The following CUX2 variants were observed in gnomAD, a reference collection of about 807,000 sequenced individuals.
The protein encoded by CUX2 is homeobox protein cut-like 2.
CUX2 carries 40 observed loss-of-function variants against 144.8 expected under a neutral mutation model. That is an observed-to-expected ratio of 0.28 (90% confidence interval 0.21 to 0.36). The LOEUF (loss-of-function observed/expected upper bound fraction) is 0.36, where lower values mean the gene tolerates loss of function less well. CUX2 is among the 10% of genes least tolerant of loss of function. CUX2 has a pLI of 1.00. For missense variants in CUX2, 1,615 were observed against 1,994.0 expected, an observed-to-expected ratio of 0.81 and a Z score of 3.62; for synonymous variants, 827 against 875.6, an observed-to-expected ratio of 0.94 and a Z score of 0.98.
intron 9 of CUX2, among the ~76,000 whole-genome samples, chr12:111,299,849 T>C (rs1232438441): frequency 6.6e-6 from 1 of 152,072 alleles, no homozygotes; most frequent in Non-Finnish European, 1.5e-5. Flanking sequence ...CCAGAGATGG[T>C]CAATCCATTC....
intron 1 of CUX2, among the ~76,000 whole-genome samples, chr12:111,179,875 G>A (rs1348701036): frequency 6.6e-6 from 1 of 152,158 alleles, no homozygotes; most frequent in Non-Finnish European, 1.5e-5. Context: ...GTAGAGACAG[G>A]GTTTCGCCCT....
rs892777716 is a variant in CUX2 at position 111,287,710 on chromosome 12, G to A, written c.302-3708G>A. On this transcript the variant is annotated intron_variant, in intron 4 of 21. Coordinates refer to ENST00000261726, the MANE Select transcript of CUX2 (RefSeq NM_015267.4). The surrounding 1 kb of genome is among the most constrained non-coding windows in gnomAD (Gnocchi z 4.2). ...GGGCTGCCGGCAGATGAAAGCCACC[G>A]CCGCCTTCCCGCGCACCTGCTTACC... is the stretch of plus-strand genomic sequence containing the variant. 8.5e-5 allele frequency among the ~76,000 whole-genome samples: 13 copies of A among 152,228 alleles called. No homozygotes were observed. Among genetic ancestry groups the A allele is most frequent in the Non-Finnish European group, 1.5e-4 (10 of 68,044 alleles).
At chr12:111,075,896 AATGATG>A (rs760222137) in intron 1 of CUX2, among the ~76,000 whole-genome samples, 7 of 152,152 alleles carry the variant, frequency 4.6e-5, no homozygotes, top group Non-Finnish European at 8.8e-5. Context: ...TCTGAATAAT[AATGATG>A]ATGATAATAA....
intron 3 of CUX2, among the ~76,000 whole-genome samples, chr12:111,257,719 C>T (rs1021528071): frequency 3.6e-5 from 5 of 139,670 alleles, no homozygotes; most frequent in African/African-American, 1.3e-4. Context: ...CTCCATCTTC[C>T]TCCTCTTCCT....
chr12:111,074,864 G>T (rs775187953), intron 1 of CUX2, among the ~76,000 whole-genome samples: 1 of 150,888 alleles, frequency 6.6e-6, no homozygotes, highest in Non-Finnish European at 1.5e-5. Context: ...TGGGGACACC[G>T]TGCCCCTCGG....
At chr12:111,134,624 G>GTGTGTGTGTT (rs1875739643) in intron 1 of CUX2, among the ~76,000 whole-genome samples, 1 of 145,782 alleles carries the variant, frequency 6.9e-6, no homozygotes, top group African/African-American at 2.6e-5. Context: ...CTCTCTCTGT[G>GTGTGTGTGTT]TGTGTGTGTG....
intron 21 of CUX2, among the ~76,000 whole-genome samples, chr12:111,345,215 C>T (rs1355646864): frequency 2.0e-5 from 3 of 151,510 alleles, no homozygotes; most frequent in South Asian, 2.1e-4. Context: ...TTTGGGAGGC[C>T]AAGGCAGGCA....
chr12:111,296,604 T>G, intron 8 of CUX2, 65 bp downstream of exon 8: 1 of 1,474,378 alleles, frequency 6.8e-7, no homozygotes, highest in Admixed American at 1.9e-5. Flanking sequence ...CTCCTCCTTC[T>G]GACCCTCCAG....
chr12:111,244,463 C>G (rs1883177905), intron 3 of CUX2, among the ~76,000 whole-genome samples: 1 of 152,238 alleles, frequency 6.6e-6, no homozygotes, highest in Admixed American at 6.5e-5. Context: ...TGGGTTCAAT[C>G]CCAGCTCTGT....
intron 1 of CUX2, among the ~76,000 whole-genome samples, chr12:111,047,657 C>A (rs1442218673): frequency 6.6e-6 from 1 of 152,142 alleles, no homozygotes; most frequent in Non-Finnish European, 1.5e-5. Flanking sequence ...AGACTCGAAC[C>A]CAGACAGTCT....
chr12:111,282,138 G>A lies in CUX2; in HGVS notation c.302-9280G>A, dbSNP rs970871617. ...AGATGGAGACCATCCTGGCTAACAC[G>A]GTGAAACCCCGTCTCTACTAAAAAT... On this transcript the variant is annotated intron_variant, in intron 4 of 21. Transcript: ENST00000261726. 3.6e-4 allele frequency among the ~76,000 whole-genome samples: 55 copies of A among 151,906 alleles called. No homozygotes were observed. In the Middle Eastern group the frequency reaches 0.01, roughly 28 times the overall value.
rs531208416 is a variant in CUX2, at chr12:111,155,733, G to T, written c.64-58467G>T. Among the ~76,000 whole-genome samples, 6 of 152,216 alleles carry T rather than the reference G, an allele frequency of 3.9e-5. No individual in the cohort carries two copies. In the South Asian group the frequency reaches 1.2e-3, roughly 32 times the overall value. ...CGCCACCACACGCTCTCAGGCACCA[G>T]CCGGAAAGTTCAGCCTGGCAAGTGT... On this transcript the variant is annotated intron_variant, in intron 1 of 21. Transcript: ENST00000261726.
intron 1 of CUX2, among the ~76,000 whole-genome samples, chr12:111,205,033 G>A (rs994069501): frequency 3.3e-5 from 5 of 152,112 alleles, no homozygotes; most frequent in Non-Finnish European, 5.9e-5. Context: ...AATACATCTT[G>A]GCATCTGAAA....
At chr12:111,092,805 ATTTTT>A (rs528129107) in intron 1 of CUX2, among the ~76,000 whole-genome samples, 6 of 106,032 alleles carry the variant, frequency 5.7e-5, no homozygotes, top group Non-Finnish European at 1.1e-4. Flanking sequence ...GCTCTGGCAG[ATTTTT>A]TTTTTTTTTT....
At chr12:111,203,036 A>G (rs1259943923) in intron 1 of CUX2, among the ~76,000 whole-genome samples, 13 of 152,124 alleles carry the variant, frequency 8.5e-5, no homozygotes, top group Admixed American at 8.5e-4. Context: ...GTTAGAGACC[A>G]GACTGGCCAA....
intron 1 of CUX2, among the ~76,000 whole-genome samples, chr12:111,078,239 C>G (rs1423598130): frequency 6.6e-6 from 1 of 152,154 alleles, no homozygotes; most frequent in African/African-American, 2.4e-5. Context: ...GGCTTCTGCC[C>G]TTGTAGAGTT....
chr12:111,260,759 G>C (rs1030416430), intron 3 of CUX2, among the ~76,000 whole-genome samples: 3 of 152,176 alleles, frequency 2.0e-5, no homozygotes, highest in South Asian at 2.1e-4. Context: ...GGGTGCTCTA[G>C]GCAGGGACAG....
intron 3 of CUX2, among the ~76,000 whole-genome samples, chr12:111,238,365 T>G (rs774378777): frequency 1.3e-5 from 2 of 152,228 alleles, no homozygotes; most frequent in Non-Finnish European, 2.9e-5. Context: ...TGTTGACACA[T>G]AATAATGTTG....
At chr12:111,238,373 T>C (rs1410595929) in intron 3 of CUX2, among the ~76,000 whole-genome samples, 1 of 152,260 alleles carries the variant, frequency 6.6e-6, no homozygotes, top group African/African-American at 2.4e-5. Context: ...CATAATAATG[T>C]TGGCAGACAT....
Sources: gnomAD v4.1 joint callset for allele counts (sites outside exome capture counted in the v4.1 genomes callset) on GRCh38, gnomAD v4.1.1 for gene constraint, Gnocchi (gnomAD v3.1) non-coding constraint, MANE v1.5 for transcripts, NCBI Gene and HGNC (gene_info 2026-07-23, HGNC 2026-07-21) for gene names.